The following AMMECR1L variants were observed in gnomAD, a reference collection of about 807,000 sequenced individuals.
AMMECR1L encodes the protein AMMECR1-like protein.
In AMMECR1L, 4 loss-of-function variants were observed where a neutral mutation model predicts 36.8. That is an observed-to-expected ratio of 0.11 (90% CI 0.05 to 0.25). The LOEUF (loss-of-function observed/expected upper bound fraction) is 0.25, where lower values mean the gene tolerates loss of function less well. Ranked by LOEUF, AMMECR1L falls within the 10% of genes least tolerant of loss-of-function variation. AMMECR1L has a pLI of 1.00. For missense variants in AMMECR1L, 232 were observed against 392.1 expected (o/e 0.59, Z 3.45); for synonymous variants, 147 against 148.0 (o/e 0.99, Z 0.05).
intron 2 of AMMECR1L, among the ~76,000 whole-genome samples, chr2:127,878,951 A>C (rs865903484): frequency 6.6e-6 from 1 of 152,328 alleles, no homozygotes; most frequent in South Asian, 2.1e-4. Flanking sequence ...AACATGACCA[A>C]AGTGGAGAAA....
At chr2:127,872,735 C>G (rs904169920) in intron 3 of AMMECR1L, among the ~76,000 whole-genome samples, 2 of 152,212 alleles carry the variant, frequency 1.3e-5, no homozygotes, top group African/African-American at 2.4e-5. Flanking sequence ...TTGAATACAA[C>G]AGTCTAAACC....
chr2:127,865,636 CG>C lies in AMMECR1L; in HGVS notation c.822-432del, dbSNP rs1690653977. Among the ~76,000 whole-genome samples the C allele has an allele frequency of 1.3e-5, 2 of 152,296 alleles. No individual in the cohort carries two copies. Among genetic ancestry groups the C allele is most frequent in the Admixed American group, 6.5e-5 (1 of 15,302 alleles). Reference sequence around the variant, plus strand: ...TTGACAGAAATGCAACCTCAATTCGCGTAAGAGCAACAAACAAGTTATTATA... The same window carrying C: ...TTGACAGAAATGCAACCTCAATTCGCTAAGAGCAACAAACAAGTTATTATA... On this transcript the variant is annotated intron_variant, in intron 7 of 7. Coordinates refer to ENST00000272647, the MANE Select transcript of AMMECR1L (RefSeq NM_001199140.2). The surrounding 1 kb of genome is among the most constrained non-coding windows in gnomAD (Gnocchi z 5.4).
intron 2 of AMMECR1L, among the ~76,000 whole-genome samples, chr2:127,883,103 C>CT (rs70985485): frequency 0.49 from 69,062 of 141,378 alleles, 17,526 homozygotes; most frequent in African/African-American, 0.66. Context: ...AATTTCTTTT[C>CT]TTTTTTTTTT....
rs1427706461 is a variant in AMMECR1L at position 127,874,291 on chromosome 2, T to A, written c.-38-19A>T. 6 of 1,583,516 alleles carry A rather than the reference T, an allele frequency of 3.8e-6. No individual in the cohort carries two copies. The highest frequency in any genetic ancestry group is 4.5e-5 in the East Asian group (2 of 44,800). On this transcript the variant is annotated intron_variant, in intron 2 of 7. Coordinates refer to ENST00000272647, the MANE Select transcript of AMMECR1L (RefSeq NM_001199140.2). This position sits in a 1 kb window ranked among gnomAD's most constrained non-coding sequence, Gnocchi z 5.2. ...CAGAACCCTAACCAAAATGAGAAGT[T>A]AAGCATTAATTTGACTGGTTAGTTA...
intron 1 of AMMECR1L, chr2:127,885,503 G>A (rs1327337436): frequency 8.6e-5 from 85 of 984,204 alleles, no homozygotes; most frequent in African/African-American, 1.1e-4. Context: ...GCTTCCTGGA[G>A]GGAGTGCAGA....
intron 6 of AMMECR1L, among the ~76,000 whole-genome samples, chr2:127,868,725 C>T (rs1025170319): frequency 6.6e-6 from 1 of 151,614 alleles, no homozygotes; most frequent in Non-Finnish European, 1.5e-5. Context: ...TTATAGGCTA[C>T]TGAGTTTTTT....
At position 127,871,603 on chromosome 2, in the gene AMMECR1L, G is replaced by A. The variant is rs1690968172; in HGVS notation, c.408-244C>T. On this transcript the variant is annotated intron_variant, in intron 3 of 7. Coordinates refer to ENST00000272647, the MANE Select transcript of AMMECR1L (RefSeq NM_001199140.2). This position sits in a 1 kb window ranked among gnomAD's most constrained non-coding sequence, Gnocchi z 4.3. ...GTGGTTCCCATGTTCCATGCTGACA[G>A]CTTTAATTCACTTTGCCGCCAAATT... Among the ~76,000 whole-genome samples, 1 of 152,182 alleles carries A rather than the reference G, an allele frequency of 6.6e-6. No homozygotes were observed. The highest frequency in any genetic ancestry group is 2.4e-5 in the African/African-American group (1 of 41,442).
chr2:127,884,110 G>A (rs1259142780), intron 2 of AMMECR1L, 93 bp downstream of exon 2: 2 of 152,102 alleles, frequency 1.3e-5, no homozygotes, highest in Admixed American at 1.3e-4. Context: ...AAATACAAAT[G>A]AAAACACACC....
At position 127,871,974 on chromosome 2, in the gene AMMECR1L, A is replaced by G. The variant is rs1690992554; in HGVS notation, c.408-615T>C. 1.3e-5 allele frequency among the ~76,000 whole-genome samples: 2 copies of G among 152,074 alleles called. No homozygotes were observed. Among genetic ancestry groups the G allele is most frequent in the African/African-American group, 2.4e-5 (1 of 41,426 alleles). On this transcript the variant is annotated intron_variant, in intron 3 of 7. Transcript: ENST00000272647. This position sits in a 1 kb window ranked among gnomAD's most constrained non-coding sequence, Gnocchi z 4.3. Reference sequence around the variant, plus strand: ...GAGGCCAAGGTGGGCGGATCACTTGAGGTAAGGAGTTCTAGACCAGCCTGG... The same window carrying G: ...GAGGCCAAGGTGGGCGGATCACTTGGGGTAAGGAGTTCTAGACCAGCCTGG...
chr2:127,878,216 C>T (rs934659896), intron 2 of AMMECR1L, among the ~76,000 whole-genome samples: 3 of 151,958 alleles, frequency 2.0e-5, no homozygotes, highest in Non-Finnish European at 2.9e-5. Context: ...GAAAATTATC[C>T]CCTCATCCAG....
chr2:127,864,790 G>C lies in AMMECR1L; in HGVS notation c.*304C>G, dbSNP rs778750926. 4.8e-6 allele frequency: 1 copy of C among 209,000 alleles called. No individual in the cohort carries two copies. Among genetic ancestry groups the C allele is most frequent in the Non-Finnish European group, 9.6e-6 (1 of 103,828 alleles). 12.9% of individuals were successfully genotyped at this position (209,000 alleles called of 1,614,324 possible). A position where few individuals can be genotyped will look rare whatever the true frequency, so the allele number is the denominator to read the frequency against. On this transcript the variant is annotated 3_prime_UTR_variant, in exon 8 of 8. Coordinates refer to ENST00000272647, the MANE Select transcript of AMMECR1L (RefSeq NM_001199140.2). ...CAGCGTGTGGCCAATACCCCATGTGGCAAATACCAGACAAGGGTCTTCTGA... is the reference window on the plus strand; with the variant it reads ...CAGCGTGTGGCCAATACCCCATGTGCCAAATACCAGACAAGGGTCTTCTGA...
chr2:127,880,692 C>T (rs1051720256), intron 2 of AMMECR1L, among the ~76,000 whole-genome samples: 2 of 151,986 alleles, frequency 1.3e-5, no homozygotes, highest in African/African-American at 4.8e-5. Context: ...GCACTGAACT[C>T]GGCATCACCC....
chr2:127,865,342 G>T lies in AMMECR1L; in HGVS notation c.822-137C>A. Reference sequence around the variant, plus strand: ...AAGACCAAGAGCAATCTTACTTACAGAAAATGAAAGACAGCACAAGAAAAC... The same window carrying T: ...AAGACCAAGAGCAATCTTACTTACATAAAATGAAAGACAGCACAAGAAAAC... On this transcript the variant is annotated intron_variant, in intron 7 of 7. Transcript: ENST00000272647. The surrounding 1 kb of genome is among the most constrained non-coding windows in gnomAD (Gnocchi z 5.4). 1 of 536,100 alleles carries T rather than the reference G, an allele frequency of 1.9e-6. No homozygotes were observed. The highest frequency in any genetic ancestry group is 3.3e-6 in the Non-Finnish European group (1 of 301,654). The allele number at this position is 536,100 out of a possible 1,614,324, so 33.2% of individuals were successfully genotyped here. A position where few individuals can be genotyped will look rare whatever the true frequency, so the allele number is the denominator to read the frequency against.
At chr2:127,875,144 G>A (rs550351625) in intron 2 of AMMECR1L, among the ~76,000 whole-genome samples, 1 of 148,358 alleles carries the variant, frequency 6.7e-6, no homozygotes, top group Non-Finnish European at 1.5e-5. Flanking sequence ...TGATGCGAAG[G>A]GAAGGAAGGG....
rs754479527 is a variant in AMMECR1L, at chr2:127,865,115, G to A, written c.912C>T (p.Pro304=). 2 of 1,613,664 alleles carry A rather than the reference G, an allele frequency of 1.2e-6. No homozygotes were observed. The highest frequency in any genetic ancestry group is 1.7e-6 in the Non-Finnish European group (2 of 1,179,802). The change falls in exon 8 of 8, where the codon CCC becomes CCT. Residue 304 remains proline (P), a synonymous_variant. Coordinates refer to ENST00000272647, the MANE Select transcript of AMMECR1L (RefSeq NM_001199140.2). The surrounding 1 kb of genome is among the most constrained non-coding windows in gnomAD (Gnocchi z 5.4). ...CFQNGTLHAP[P]LYNHYS is the part of the protein sequence containing the mutation. ...TGTGTCAGGAGTAATGATTGTAGAG[G>A]GGCGGGGCATGAAGAGTGCCGTTCT... is the stretch of plus-strand genomic sequence containing the variant.
In AMMECR1L at chr2:127,865,538, G is replaced by C. The variant is rs781341906; in HGVS notation, c.822-333C>G. Among the ~76,000 whole-genome samples, 2 of 152,202 alleles carry C rather than the reference G, an allele frequency of 1.3e-5. No individual in the cohort carries two copies. Among genetic ancestry groups the C allele is most frequent in the African/African-American group, 2.4e-5 (1 of 41,436 alleles). ...AATTTCAAGGTCAAATTACTCGGGTGGCAGATTGGAAGATGGCTGCACCAA... is the reference window on the plus strand; with the variant it reads ...AATTTCAAGGTCAAATTACTCGGGTCGCAGATTGGAAGATGGCTGCACCAA... On this transcript the variant is annotated intron_variant, in intron 7 of 7. Transcript: ENST00000272647. This position sits in a 1 kb window ranked among gnomAD's most constrained non-coding sequence, Gnocchi z 5.4.
chr2:127,885,297 C>T, intron 1 of AMMECR1L: 6 of 984,120 alleles, frequency 6.1e-6, no homozygotes, highest in Non-Finnish European at 7.2e-6. Flanking sequence ...AGGTGAGAAA[C>T]GAGGGTATGA....
In AMMECR1L at chr2:127,865,150, G is replaced by A. The variant is rs1334458725; in HGVS notation, c.877C>T (p.His293Tyr). ...SYAEYIASRQ[H>Y]CFQNGTLHAP... is the part of the protein sequence containing the mutation. ...TGAAGAGTGCCGTTCTGGAAACAGT[G>A]CTGTCGGGAAGCAATATACTCTGCG... Residue 293 changes from histidine (H) to tyrosine (Y), a missense_variant, in exon 8 of 8, where the codon CAC becomes TAC. Physicochemically the swap from His to Tyr is moderately conservative, Grantham distance 83. Transcript: ENST00000272647. The surrounding 1 kb of genome is among the most constrained non-coding windows in gnomAD (Gnocchi z 5.4). 2 of 1,613,868 alleles carry A rather than the reference G, an allele frequency of 1.2e-6. No homozygotes were observed. Among genetic ancestry groups the A allele is most frequent in the Non-Finnish European group, 1.7e-6 (2 of 1,179,964 alleles).
chr2:127,877,164 T>TG (rs956468682), intron 2 of AMMECR1L, among the ~76,000 whole-genome samples: 1 of 151,672 alleles, frequency 6.6e-6, no homozygotes, highest in African/African-American at 2.4e-5. Flanking sequence ...GGGCAACTCC[T>TG]GGGGGGCCAG....
Sources: allele counts gnomAD v4.1 joint callset (sites outside exome capture counted in the v4.1 genomes callset), GRCh38; gene constraint gnomAD v4.1.1; non-coding constraint Gnocchi (gnomAD v3.1); transcripts MANE v1.5; gene names NCBI Gene and HGNC (gene_info 2026-07-23, HGNC 2026-07-21).